The following CALN1 variants were observed in gnomAD, a reference collection of about 807,000 sequenced individuals.
CALN1 encodes the protein calcium-binding protein 8.
In CALN1, 17 loss-of-function variants were observed where a neutral mutation model predicts 30.6. The ratio of observed to expected loss-of-function variants is 0.56; its 90% CI spans 0.38 to 0.83. The LOEUF is 0.83. Among genes scored for constraint, CALN1 ranks in the 40% least tolerant of loss-of-function variants. The probability of loss-of-function intolerance (pLI) is 0.00; values close to 1 mark genes in which losing one functional copy is unlikely to be tolerated. For missense variants in CALN1, 291 were observed against 354.9 expected (o/e 0.82, Z 1.45); for synonymous variants, 156 against 131.4 (o/e 1.19, Z -1.28).
At chr7:71,919,554 A>C (rs1166605570) in intron 5 of CALN1, among the ~76,000 whole-genome samples, 2 of 152,206 alleles carry the variant, frequency 1.3e-5, no homozygotes, top group African/African-American at 4.8e-5. Context: ...GAATATTACA[A>C]TTTTAAGTGA....
intron 2 of CALN1, among the ~76,000 whole-genome samples, chr7:72,301,213 C>T (rs1799236627): frequency 6.6e-6 from 1 of 152,070 alleles, no homozygotes; most frequent in Admixed American, 6.5e-5. Context: ...TCAGCAGTTG[C>T]TAAGATCTGG....
chr7:72,386,349 GA>G (rs1215086976), intron 2 of CALN1, among the ~76,000 whole-genome samples: 2 of 152,164 alleles, frequency 1.3e-5, no homozygotes, highest in African/African-American at 2.4e-5. Context: ...GGGGTTCGGA[GA>G]AAAGTGCTGA....
intron 3 of CALN1, among the ~76,000 whole-genome samples, chr7:72,166,369 G>T (rs566380796): frequency 6.6e-6 from 1 of 152,142 alleles, no homozygotes; most frequent in South Asian, 2.1e-4. Flanking sequence ...GCCTATCACG[G>T]TCTTGCTGTG....
chr7:72,465,252 A>G, the CALN1 span, among the ~76,000 whole-genome samples: 3 of 152,196 alleles, frequency 2.0e-5, no homozygotes, highest in Non-Finnish European at 4.4e-5. Flanking sequence ...TTCATGCCCA[A>G]GGTTAGCTCC....
At chr7:72,158,919 C>T (rs772653816) in intron 3 of CALN1, among the ~76,000 whole-genome samples, 1 of 152,092 alleles carries the variant, frequency 6.6e-6, no homozygotes, top group Non-Finnish European at 1.5e-5. Flanking sequence ...GTACAGTGGT[C>T]TCGACTCACT....
chr7:72,401,113 G>A (rs1175382327), intron 2 of CALN1, among the ~76,000 whole-genome samples: 4 of 152,150 alleles, frequency 2.6e-5, no homozygotes, highest in Non-Finnish European at 4.4e-5. Context: ...ACCTGGAAAA[G>A]ATGACCTATA....
rs115102928 is a variant in CALN1 at position 72,089,580 on chromosome 7, G to A, written c.388+16571C>T. Among the ~76,000 whole-genome samples, 500 of 152,202 alleles carry A rather than the reference G, an allele frequency of 3.3e-3. 3 individuals are homozygous for A. Among genetic ancestry groups the A allele is most frequent in the African/African-American group, 0.011 (472 of 41,544 alleles). Reference sequence around the variant, plus strand: ...AGAAAAAGGTAGGGCATCGTGTACCGTATTCCTGGAAGGAAAAGAAACTGA... The same window carrying A: ...AGAAAAAGGTAGGGCATCGTGTACCATATTCCTGGAAGGAAAAGAAACTGA... On this transcript the variant is annotated intron_variant, in intron 4 of 6. Transcript: ENST00000395275.
chr7:71,797,873 C>A (rs1424728310), intron 6 of CALN1, among the ~76,000 whole-genome samples: 2 of 152,140 alleles, frequency 1.3e-5, no homozygotes, highest in Non-Finnish European at 2.9e-5. Flanking sequence ...GTGTCATACC[C>A]AAAGATTGTT....
chr7:71,900,766 G>A (rs1793803631), intron 5 of CALN1, among the ~76,000 whole-genome samples: 1 of 152,150 alleles, frequency 6.6e-6, no homozygotes, highest in South Asian at 2.1e-4. Context: ...GGCTGAGCAG[G>A]CATACTGGCA....
intron 2 of CALN1, among the ~76,000 whole-genome samples, chr7:72,377,533 A>G (rs542366515): frequency 3.2e-4 from 49 of 152,054 alleles, no homozygotes; most frequent in Admixed American, 3.3e-4. Context: ...TTATAAAGGA[A>G]TAATTATGGA....
chr7:72,354,657 T>TC (rs1157875776), intron 2 of CALN1, among the ~76,000 whole-genome samples: 5 of 152,206 alleles, frequency 3.3e-5, no homozygotes, highest in Non-Finnish European at 7.3e-5. Context: ...AATTAGTTTT[T>TC]CACAAAGGTG....
chr7:71,928,448 CAAAAA>C (rs60088732), intron 5 of CALN1, among the ~76,000 whole-genome samples: 1 of 99,926 alleles, frequency 1.0e-5, no homozygotes. Context: ...CTTTTAATGG[CAAAAA>C]AAAAAAAAAA....
chr7:71,874,646 T>A (rs1792137704), intron 5 of CALN1, among the ~76,000 whole-genome samples: 1 of 152,148 alleles, frequency 6.6e-6, no homozygotes, highest in Admixed American at 6.6e-5. Context: ...AACTTTATTT[T>A]TCTGTGATTC....
At chr7:72,496,097 T>C in the CALN1 span, among the ~76,000 whole-genome samples, 3 of 152,188 alleles carry the variant, frequency 2.0e-5, no homozygotes, top group African/African-American at 7.2e-5. Context: ...ATTTTTTGTA[T>C]TTTTATTAGA....
chr7:72,000,164 A>C (rs6980132), intron 5 of CALN1, among the ~76,000 whole-genome samples: 20,634 of 152,102 alleles, frequency 0.14, 2,070 homozygotes, highest in East Asian at 0.37. Flanking sequence ...GGTGGAAAGA[A>C]GCAAATAGTA....
chr7:72,274,807 T>A (rs1797233862), intron 3 of CALN1, among the ~76,000 whole-genome samples: 1 of 152,200 alleles, frequency 6.6e-6, no homozygotes. Flanking sequence ...AATGAATGAC[T>A]GTCTCCATCA....
At chr7:71,856,186 T>C (rs965977000) in intron 5 of CALN1, among the ~76,000 whole-genome samples, 1 of 151,686 alleles carries the variant, frequency 6.6e-6, no homozygotes, top group Non-Finnish European at 1.5e-5. Context: ...CCTGGGGTGA[T>C]ACATATGTAA....
chr7:72,284,730 G>T (rs1014587355), intron 2 of CALN1, among the ~76,000 whole-genome samples: 2 of 152,114 alleles, frequency 1.3e-5, no homozygotes, highest in Non-Finnish European at 2.9e-5. Flanking sequence ...TCTTCAGCTT[G>T]CTGACAGCAG....
At chr7:72,397,908 T>C (rs190324933) in intron 2 of CALN1, among the ~76,000 whole-genome samples, 9 of 152,296 alleles carry the variant, frequency 5.9e-5, no homozygotes, top group Admixed American at 5.2e-4. Flanking sequence ...AGGTACCCAC[T>C]GCTGCATCCT....
Sources: gnomAD v4.1 joint callset for allele counts (sites outside exome capture counted in the v4.1 genomes callset) on GRCh38, gnomAD v4.1.1 for gene constraint, MANE v1.5 for transcripts, NCBI Gene and HGNC (gene_info 2026-07-23, HGNC 2026-07-21) for gene names.